Variants in ALDH4A1 observed in about 807,000 individuals in gnomAD.
ALDH4A1 encodes delta-1-pyrroline-5-carboxylate dehydrogenase, mitochondrial.
ALDH4A1 carries 46 observed loss-of-function variants against 70.5 expected under a neutral mutation model. That is an observed-to-expected ratio of 0.65 (90% CI 0.51 to 0.83). ALDH4A1 has a LOEUF of 0.83. ALDH4A1 is among the 40% of genes least tolerant of loss of function. ALDH4A1 has a pLI of 0.00. For missense variants in ALDH4A1, 749 were observed against 766.5 expected (o/e 0.98, Z 0.27); for synonymous variants, 323 against 324.3 (o/e 1.00, Z 0.04).
chr1:18,887,516 A>T (rs570694248), intron 3 of ALDH4A1, among the ~76,000 whole-genome samples: 17 of 152,192 alleles, frequency 1.1e-4, no homozygotes, highest in Non-Finnish European at 2.2e-4. Flanking sequence ...GGAGAATGGC[A>T]TGAACCTGGG....
At chr1:18,876,572 C>T in intron 11 of ALDH4A1, 105 bp from the exon 12 acceptor site, 3 of 1,335,972 alleles carry the variant, frequency 2.2e-6, no homozygotes, top group Non-Finnish European at 3.0e-6. Flanking sequence ...AAGGGCCCAA[C>T]TCCTGAAACA....
intron 12 of ALDH4A1, 118 bp from the exon 13 acceptor site, chr1:18,875,621 T>C: frequency 6.6e-7 from 1 of 1,526,646 alleles, no homozygotes. Context: ...CAGTTTACAC[T>C]TCAGTGTCTG....
rs975090814 is a variant in ALDH4A1 at position 18,880,452 on chromosome 1, C to A, written c.867-1079G>T. 2.0e-5 allele frequency among the ~76,000 whole-genome samples: 3 copies of A among 152,120 alleles called. No individual in the cohort carries two copies. The highest frequency in any genetic ancestry group is 7.2e-5 in the African/African-American group (3 of 41,402). On this transcript the variant is annotated intron_variant, in intron 8 of 14. Transcript: ENST00000375341. This position sits in a 1 kb window ranked among gnomAD's most constrained non-coding sequence, Gnocchi z 5.1. ...ACTGTGCCTCCCTGCATCCTTCTCA[C>A]CTGAACCTGCCCCCTTCTCCACATC...
rs1025862806 is a variant in ALDH4A1 at position 18,902,449 on chromosome 1, C to G, written c.62+13G>C. ...CGCGCGCTCGGGCCGCCCCGGGCCC[C>G]GTGCTCACTCACCCGGCCCCGGTCC... On this transcript the variant is annotated intron_variant, in intron 1 of 14. Coordinates refer to ENST00000375341, the MANE Select transcript of ALDH4A1 (RefSeq NM_003748.4). 9 of 1,358,176 alleles carry G rather than the reference C, an allele frequency of 6.6e-6. No individual in the cohort carries two copies. The highest frequency in any genetic ancestry group is 3.5e-5 in the Admixed American group (1 of 28,332). 84.1% of individuals were successfully genotyped at this position (1,358,176 alleles called of 1,614,324 possible). A position where few individuals can be genotyped will look rare whatever the true frequency, so the allele number is the denominator to read the frequency against.
chr1:18,887,325 C>T (rs577987466), intron 3 of ALDH4A1, among the ~76,000 whole-genome samples: 13 of 152,238 alleles, frequency 8.5e-5, no homozygotes, highest in African/African-American at 1.9e-4. Flanking sequence ...GTTGGCCGGG[C>T]GCGGTGGCTC....
chr1:18,890,774 T>G, intron 1 of ALDH4A1: 1 of 985,508 alleles, frequency 1.0e-6, no homozygotes, highest in Non-Finnish European at 1.2e-6. Context: ...TCTCCCTTTC[T>G]TCTCCCACAA....
chr1:18,881,476 T>A (rs1934964240), intron 8 of ALDH4A1, among the ~76,000 whole-genome samples: 1 of 152,182 alleles, frequency 6.6e-6, no homozygotes, highest in African/African-American at 2.4e-5. Context: ...ATTAACATGT[T>A]TAATCCTTGC....
At chr1:18,886,437 G>T (rs1935204570) in intron 4 of ALDH4A1, 27 bp downstream of exon 4, 1 of 1,613,578 alleles carries the variant, frequency 6.2e-7, no homozygotes, top group Non-Finnish European at 8.5e-7. Context: ...CCTAACCCCG[G>T]GTCACCAGGC....
chr1:18,879,447 G>A, intron 8 of ALDH4A1, 74 bp from the exon 9 acceptor site: 2 of 1,350,866 alleles, frequency 1.5e-6, no homozygotes, highest in Non-Finnish European at 2.1e-6. Flanking sequence ...CCAGGGAGGA[G>A]CATTGCCGGG....
intron 13 of ALDH4A1, among the ~76,000 whole-genome samples, 181 bp from the exon 14 acceptor site, chr1:18,874,762 G>A (rs1413136997): frequency 6.6e-6 from 1 of 152,222 alleles, no homozygotes; most frequent in Non-Finnish European, 1.5e-5. Flanking sequence ...CCCAGTCTCT[G>A]AGCCCAGCTT....
intron 4 of ALDH4A1, 146 bp from the exon 5 acceptor site, chr1:18,885,774 T>C: frequency 8.3e-7 from 1 of 1,209,900 alleles, no homozygotes; most frequent in Non-Finnish European, 1.2e-6. Flanking sequence ...CCTGCCACCA[T>C]AGCTGCCAAC....
At chr1:18,874,357 C>T in intron 14 of ALDH4A1, 106 bp downstream of exon 14, 1 of 1,082,798 alleles carries the variant, frequency 9.2e-7, no homozygotes, top group Non-Finnish European at 1.4e-6. Flanking sequence ...ACAATAAGTG[C>T]TCAGTAAATG....
chr1:18,881,894 G>A lies in ALDH4A1; in HGVS notation c.679-7C>T, dbSNP rs371491394. 119 of 1,612,278 alleles carry A rather than the reference G, an allele frequency of 7.4e-5. No individual in the cohort carries two copies. Among genetic ancestry groups the A allele is most frequent in the Middle Eastern group, 1.7e-4 (1 of 5,870 alleles). ...TCCATAGGACCACGTTGCCCTGCCC[G>A]GGAGGTGTTTCAGTGATGCATGAGG... On this transcript the variant is annotated splice_polypyrimidine_tract_variant and splice_region_variant and intron_variant, in intron 7 of 14. Transcript: ENST00000375341.
In ALDH4A1 at chr1:18,872,537, C is replaced by T. The variant is rs963199941; in HGVS notation, c.*308G>A. The T allele has an allele frequency of 1.1e-5, 3 of 268,068 alleles. No homozygotes were observed. Among genetic ancestry groups the T allele is most frequent in the Admixed American group, 9.6e-5 (2 of 20,746 alleles). 16.6% of individuals were successfully genotyped at this position (268,068 alleles called of 1,614,324 possible). On this transcript the variant is annotated 3_prime_UTR_variant, in exon 15 of 15. Transcript: ENST00000375341. ...AGGATCCCAAGAGCTGCTCCATCTC[C>T]TTTCCCCAGGTCCCTGAGCCACTGG...
intron 2 of ALDH4A1, 110 bp downstream of exon 2, chr1:18,889,902 A>AG: frequency 1.0e-6 from 1 of 955,346 alleles, no homozygotes; most frequent in East Asian, 2.7e-5. Flanking sequence ...GCTGGGAGCA[A>AG]GGGTAGAAGC....
intron 1 of ALDH4A1, among the ~76,000 whole-genome samples, chr1:18,895,472 G>T (rs867702934): frequency 1.3e-5 from 2 of 152,112 alleles, no homozygotes; most frequent in African/African-American, 4.8e-5. Flanking sequence ...TGTCAGGGCT[G>T]CAAGTACTGG....
intron 3 of ALDH4A1, among the ~76,000 whole-genome samples, chr1:18,887,261 G>A (rs763366540): frequency 6.6e-5 from 10 of 152,232 alleles, no homozygotes; most frequent in South Asian, 2.1e-4. Context: ...AGAACCATCC[G>A]GCTCAGCCGC....
In ALDH4A1 at chr1:18,892,411, C is replaced by T. The variant is rs185092614; in HGVS notation, c.63-2306G>A. On this transcript the variant is annotated intron_variant, in intron 1 of 14. Coordinates refer to ENST00000375341, the MANE Select transcript of ALDH4A1 (RefSeq NM_003748.4). Reference sequence around the variant, plus strand: ...CTGGTCAGGAAATAAGCAAGGTAACCGCAGATGGTGAGCATGGCAAACAAG... The same window carrying T: ...CTGGTCAGGAAATAAGCAAGGTAACTGCAGATGGTGAGCATGGCAAACAAG... Among the ~76,000 whole-genome samples the T allele has an allele frequency of 5.9e-4, 90 of 152,230 alleles. No homozygotes were observed. In the Middle Eastern group the frequency reaches 0.014, roughly 23 times the overall value.
chr1:18,891,866 A>C (rs1417826804), intron 1 of ALDH4A1, among the ~76,000 whole-genome samples: 1 of 152,066 alleles, frequency 6.6e-6, no homozygotes, highest in Non-Finnish European at 1.5e-5. Flanking sequence ...CGTCTCTACT[A>C]AAAATACAAA....
Sources: gnomAD v4.1 joint callset for allele counts (sites outside exome capture counted in the v4.1 genomes callset) on GRCh38, gnomAD v4.1.1 for gene constraint, Gnocchi (gnomAD v3.1) non-coding constraint, MANE v1.5 for transcripts, NCBI Gene and HGNC (gene_info 2026-07-23, HGNC 2026-07-21) for gene names.